Variants in AMY2B observed in about 807,000 individuals in gnomAD.
AMY2B encodes the protein alpha-amylase 2B.
In AMY2B, 63 loss-of-function variants were observed where a neutral mutation model predicts 59.3. The ratio of observed to expected loss-of-function variants is 1.06; its 90% CI spans 0.87 to 1.31. AMY2B has a LOEUF of 1.31. Ranked by LOEUF, AMY2B falls within the 50% of genes most tolerant of loss-of-function variation. The pLI is 0.00. For synonymous variants in AMY2B, 180 were observed against 198.1 expected, an observed-to-expected ratio of 0.91 and a Z score of 0.77; for missense variants, 635 against 626.7, an observed-to-expected ratio of 1.01 and a Z score of -0.14.
intron 1 of AMY2B, among the ~76,000 whole-genome samples, chr1:103,563,082 G>T (rs945620907): frequency 2.0e-5 from 3 of 152,054 alleles, no homozygotes; most frequent in Non-Finnish European, 4.4e-5. Flanking sequence ...CTAATTTTGA[G>T]TTAATTCTTG....
Position 103,575,227 on chromosome 1 carries a change from T to C in AMY2B, c.883T>C (p.Trp295Arg). 1 of 1,613,526 alleles carries C rather than the reference T, an allele frequency of 6.2e-7. No individual in the cohort carries two copies. Among genetic ancestry groups the C allele is most frequent in the Non-Finnish European group, 8.5e-7 (1 of 1,179,592 alleles). The stretch of plus-strand genomic sequence containing the variant: ...TATCTTATTTTTCAAAAATAGGAAC[T>C]GGGGAGAAGGTTGGGGTTTCATGCC... ...NGEKMSYLKN[W>R]GEGWGFMPSD... is the part of the protein sequence containing the mutation. Residue 295 changes from tryptophan (W) to arginine (R), a missense_variant, in exon 6 of 10, where the codon TGG becomes CGG. Trp to Arg is a moderately radical substitution (Grantham distance 101, BLOSUM62 -3). Transcript: ENST00000684275.
chr1:103,573,404 C>G, intron 3 of AMY2B, 144 bp downstream of exon 3: 1 of 1,420,512 alleles, frequency 7.0e-7, no homozygotes, highest in Non-Finnish European at 9.5e-7. Flanking sequence ...TTAAGAAACT[C>G]AAATCCATAT....
upstream of AMY2B, chr1:103,569,947 G>A (rs985026672): frequency 8.5e-6 from 4 of 468,012 alleles, no homozygotes; most frequent in African/African-American, 8.0e-5. Context: ...CCCTGGCCAT[G>A]TACGTGGCCA....
upstream of AMY2B, chr1:103,571,384 CA>C: frequency 4.2e-6 from 5 of 1,177,380 alleles, no homozygotes; most frequent in East Asian, 2.6e-5. Flanking sequence ...CTGCCAGAAC[CA>C]AAAAAACATT....
At chr1:103,560,890 TA>T (rs1451688171) in intron 1 of AMY2B, among the ~76,000 whole-genome samples, 1 of 152,140 alleles carries the variant, frequency 6.6e-6, no homozygotes, top group Non-Finnish European at 1.5e-5. Context: ...GATTAGTAGG[TA>T]AGAGCTCACT....
chr1:103,578,429 A>G (rs1652447776), intron 9 of AMY2B, among the ~76,000 whole-genome samples: 1 of 152,130 alleles, frequency 6.6e-6, no homozygotes, highest in Non-Finnish European at 1.5e-5. Context: ...TTGGCCTTTC[A>G]TCTGTGATTC....
rs370676787 is a variant in AMY2B, at chr1:103,571,778, T to C, written c.168+8T>C. On this transcript the variant is annotated splice_region_variant and intron_variant, in intron 1 of 9. Coordinates refer to ENST00000684275, the MANE Select transcript of AMY2B (RefSeq NM_001387437.1). ...GGATTTGGAGGGGTTCAGGTGGGTA[T>C]GATTCATAGTATCAATTGCAGAATT... The C allele has an allele frequency of 4.8e-5, 77 of 1,611,866 alleles. No homozygotes were observed. Among genetic ancestry groups the C allele is most frequent in the Non-Finnish European group, 6.3e-5 (74 of 1,179,830 alleles).
intron 1 of AMY2B, among the ~76,000 whole-genome samples, chr1:103,563,028 A>G (rs944447686): frequency 1.3e-5 from 2 of 152,100 alleles, no homozygotes; most frequent in African/African-American, 4.8e-5. Flanking sequence ...TACCTCATAT[A>G]TGATATTGAT....
intron 1 of AMY2B, among the ~76,000 whole-genome samples, chr1:103,562,808 G>A (rs1341184282): frequency 6.6e-6 from 1 of 151,714 alleles, no homozygotes; most frequent in East Asian, 1.9e-4. Flanking sequence ...TAGAAAGGGA[G>A]CTCTAGAAAG....
intron 7 of AMY2B, among the ~76,000 whole-genome samples, chr1:103,577,044 G>A (rs1257257283): frequency 6.6e-6 from 1 of 152,130 alleles, no homozygotes; most frequent in Non-Finnish European, 1.5e-5. Context: ...AGACCTATCT[G>A]GGCAAGCTAG....
Position 103,577,419 on chromosome 1 carries a change from G to C in AMY2B, c.1102-71G>C, listed in dbSNP as rs1202335312. Reference sequence around the variant, plus strand: ...AGACACAAGTAACAGGATAGGTTGGGTTTGGTTTAAAGGAGAAGGAAGAGG... The same window carrying C: ...AGACACAAGTAACAGGATAGGTTGGCTTTGGTTTAAAGGAGAAGGAAGAGG... On this transcript the variant is annotated intron_variant, in intron 7 of 9. Coordinates refer to ENST00000684275, the MANE Select transcript of AMY2B (RefSeq NM_001387437.1). The C allele has an allele frequency of 7.5e-6, 12 of 1,609,942 alleles. No individual in the cohort carries two copies. The South Asian group carries it at 1.2e-4, about 16-fold the overall frequency.
rs1345570310 is a variant in AMY2B at position 103,555,005 on chromosome 1, A to G, written c.-311A>G. ...ACTAATGACCTGTGTTATACTTCCT[A>G]TTTTTAATGGGCTTTTATGATGTTT... On this transcript the variant is annotated 5_prime_UTR_variant, in exon 1 of 12. Coordinates refer to the AMY2B transcript ENST00000361355. 20 of 152,162 alleles carry G rather than the reference A, an allele frequency of 1.3e-4. No homozygotes were observed. The East Asian group carries it at 3.5e-3, about 26-fold the overall frequency. The allele number at this position is 152,162 out of a possible 1,614,324, so 9.4% of individuals were successfully genotyped here.
In AMY2B at chr1:103,571,671, A is replaced by G. The variant is rs781344213; in HGVS notation, c.69A>G (p.Gln23=). 5 of 1,611,964 alleles carry G rather than the reference A, an allele frequency of 3.1e-6. No individual in the cohort carries two copies. The South Asian group carries it at 5.5e-5, about 18-fold the overall frequency. Residue 23 remains glutamine, a synonymous_variant, in exon 1 of 10, where the codon CAA becomes CAG. Transcript: ENST00000684275. The stretch of plus-strand genomic sequence containing the variant: ...CTCAGTATTCCCCAAATACACAACA[A>G]GGACGGACATCTATTGTTCATCTGT... ...CWAQYSPNTQ[Q]GRTSIVHLFE...
chr1:103,576,573 A>C (rs535658948), intron 7 of AMY2B, among the ~76,000 whole-genome samples: 1 of 152,216 alleles, frequency 6.6e-6, no homozygotes, highest in Non-Finnish European at 1.5e-5. Flanking sequence ...TCCTAGGGTT[A>C]CTCTGGTTTT....
intron 7 of AMY2B, 32 bp from the exon 8 acceptor site, chr1:103,577,458 G>T (rs1359769178): frequency 1.2e-6 from 2 of 1,611,754 alleles, no homozygotes; most frequent in East Asian, 2.2e-5. Flanking sequence ...ATATATGTAT[G>T]TTAAAATTTG....
At chr1:103,563,354 AATAACTGAAT>A (rs1651797817) in intron 1 of AMY2B, among the ~76,000 whole-genome samples, 1 of 152,120 alleles carries the variant, frequency 6.6e-6, no homozygotes, top group Admixed American at 6.6e-5. Context: ...GTATATTACT[AATAACTGAAT>A]AGCTTCTCTA....
intron 5 of AMY2B, 117 bp downstream of exon 5, chr1:103,574,510 T>G (rs1312573050): frequency 3.0e-5 from 47 of 1,569,474 alleles, no homozygotes; most frequent in South Asian, 5.8e-5. Context: ...AGTCAATTGT[T>G]AATGATAAGT....
At chr1:103,569,845 G>C (rs1652050697), upstream of AMY2B, 2 of 458,754 alleles carry the variant, frequency 4.4e-6, no homozygotes, top group African/African-American at 4.0e-5. Flanking sequence ...ACATGGCCTT[G>C]GAGGAGCACC....
upstream of AMY2B, chr1:103,571,106 T>A: frequency 1.0e-6 from 1 of 955,490 alleles, no homozygotes; most frequent in Non-Finnish European, 1.3e-6. Flanking sequence ...CCTGTCGGTC[T>A]GTCAGGGTTG....
Sources: allele counts gnomAD v4.1 joint callset (sites outside exome capture counted in the v4.1 genomes callset), GRCh38; gene constraint gnomAD v4.1.1; transcripts MANE v1.5; gene names NCBI Gene and HGNC (gene_info 2026-07-23, HGNC 2026-07-21).